The following RBFOX1 variants were observed in gnomAD, a reference collection of about 807,000 sequenced individuals.
RBFOX1 encodes the protein RNA binding protein fox-1 homolog 1.
In RBFOX1, 8 loss-of-function variants were observed where a neutral mutation model predicts 57.7. That is an observed-to-expected ratio of 0.14 (90% CI 0.08 to 0.25). RBFOX1 has a LOEUF of 0.25. RBFOX1 is among the 10% of genes least tolerant of loss of function. The pLI, the probability that RBFOX1 is intolerant of heterozygous loss-of-function variation, is 1.00. For synonymous variants in RBFOX1, 326 were observed against 222.4 expected, an observed-to-expected ratio of 1.47 and a Z score of -4.15; for missense variants, 611 against 548.5, an observed-to-expected ratio of 1.11 and a Z score of -1.14.
At chr16:6,009,458 C>T (rs534094688) in intron 4 of RBFOX1, among the ~76,000 whole-genome samples, 1 of 152,222 alleles carries the variant, frequency 6.6e-6, no homozygotes, top group Admixed American at 6.5e-5. Flanking sequence ...GTTTCTTAGT[C>T]CTAGTTATGG....
intron 3 of RBFOX1, among the ~76,000 whole-genome samples, chr16:5,861,587 A>G (rs1156386073): frequency 6.6e-5 from 10 of 152,166 alleles, no homozygotes; most frequent in Admixed American, 2.0e-4. Flanking sequence ...ATTTGGTTCT[A>G]TTTGCAACTG....
chr16:6,481,708 A>T (rs2153097615), intron 2 of RBFOX1, among the ~76,000 whole-genome samples: 1 of 152,324 alleles, frequency 6.6e-6, no homozygotes, highest in South Asian at 2.1e-4. Context: ...TTAGAAGTTA[A>T]CTTTAAAAAT....
intron 3 of RBFOX1, among the ~76,000 whole-genome samples, chr16:5,764,068 A>G (rs1297658497): frequency 1.3e-5 from 2 of 152,182 alleles, no homozygotes; most frequent in Non-Finnish European, 2.9e-5. Flanking sequence ...GTAGGTGTCT[A>G]ATAAATACTT....
At chr16:6,391,525 G>GA (rs78469307) in intron 2 of RBFOX1, among the ~76,000 whole-genome samples, 2 of 145,460 alleles carry the variant, frequency 1.4e-5, no homozygotes, top group East Asian at 2.0e-4. Context: ...AAAAAAAAAA[G>GA]AAAAAAAAGT....
At chr16:6,519,828 T>G (rs192179993) in intron 2 of RBFOX1, among the ~76,000 whole-genome samples, 1 of 152,326 alleles carries the variant, frequency 6.6e-6, no homozygotes, top group East Asian at 1.9e-4. Flanking sequence ...ATTATCTCCA[T>G]TTCATAGGAC....
At chr16:7,194,165 C>G (rs1269938761) in intron 4 of RBFOX1, among the ~76,000 whole-genome samples, 1 of 152,176 alleles carries the variant, frequency 6.6e-6, no homozygotes, top group Non-Finnish European at 1.5e-5. Context: ...TCTTAAACAT[C>G]TCTCTAATAC....
chr16:5,606,725 C>G (rs2047594336), intron 3 of RBFOX1, among the ~76,000 whole-genome samples: 1 of 152,036 alleles, frequency 6.6e-6, no homozygotes, highest in African/African-American at 2.4e-5. Context: ...GTAGTGCAAA[C>G]AGGTAGGGAA....
chr16:6,545,605 C>A (rs1189145207), intron 2 of RBFOX1, among the ~76,000 whole-genome samples: 1 of 152,182 alleles, frequency 6.6e-6, no homozygotes, highest in East Asian at 1.9e-4. Flanking sequence ...TACTCTCCAC[C>A]CCAAAGATCT....
At chr16:5,930,118 A>T (rs2059018439) in intron 4 of RBFOX1, among the ~76,000 whole-genome samples, 1 of 151,294 alleles carries the variant, frequency 6.6e-6, no homozygotes, top group Non-Finnish European at 1.5e-5. Context: ...AGGATGGGAG[A>T]CAGGGTGCCT....
At chr16:6,042,809 G>C (rs1453932655) in intron 1 of RBFOX1, among the ~76,000 whole-genome samples, 1 of 152,166 alleles carries the variant, frequency 6.6e-6, no homozygotes, top group African/African-American at 2.4e-5. Flanking sequence ...AGGACATCTT[G>C]AAATGGGGGT....
intron 4 of RBFOX1, among the ~76,000 whole-genome samples, chr16:7,372,695 A>G (rs2097590716): frequency 6.6e-6 from 1 of 152,042 alleles, no homozygotes; most frequent in South Asian, 2.1e-4. Flanking sequence ...AATTAGGATT[A>G]TTATTATGGT....
intron 3 of RBFOX1, among the ~76,000 whole-genome samples, chr16:6,887,996 G>C (rs1370943815): frequency 6.6e-6 from 1 of 151,950 alleles, no homozygotes; most frequent in Non-Finnish European, 1.5e-5. Context: ...ATCTTATTCT[G>C]TTTGGGGTTT....
chr16:6,895,598 G>A (rs1455648922), intron 3 of RBFOX1, among the ~76,000 whole-genome samples: 2 of 151,130 alleles, frequency 1.3e-5, no homozygotes, highest in Non-Finnish European at 2.9e-5. Flanking sequence ...TTTTAAAGGA[G>A]GAAGTGGAGG....
intron 3 of RBFOX1, among the ~76,000 whole-genome samples, chr16:6,762,160 A>G (rs1368269199): frequency 6.6e-6 from 1 of 152,112 alleles, no homozygotes; most frequent in Non-Finnish European, 1.5e-5. Context: ...TGTAAAATGT[A>G]GTAACAGTAA....
At chr16:7,569,237 T>TTAG (rs2092501079) in intron 5 of RBFOX1, among the ~76,000 whole-genome samples, 1 of 152,138 alleles carries the variant, frequency 6.6e-6, no homozygotes, top group South Asian at 2.1e-4. Context: ...CACAAGTATA[T>TTAG]TAGGTTACAG....
At chr16:7,276,103 A>G (rs1567996867) in intron 4 of RBFOX1, among the ~76,000 whole-genome samples, 1 of 152,266 alleles carries the variant, frequency 6.6e-6, no homozygotes, top group Non-Finnish European at 1.5e-5. Context: ...AATGGAAACC[A>G]GACAAATCAG....
intron 2 of RBFOX1, among the ~76,000 whole-genome samples, chr16:6,612,402 T>C (rs568656016): frequency 1.8e-4 from 27 of 152,338 alleles, no homozygotes; most frequent in African/African-American, 5.8e-4. Flanking sequence ...ACACATATCA[T>C]GTATGCATAT....
chr16:6,872,396 C>T (rs77141215), intron 3 of RBFOX1, among the ~76,000 whole-genome samples: 5,209 of 152,148 alleles, frequency 0.034, 257 homozygotes, highest in East Asian at 0.21. Context: ...ATGACCATAG[C>T]TCTTTTTTTA....
chr16:7,711,681 C>G lies in RBFOX1; in HGVS notation c.*936C>G, dbSNP rs982510546. ...TAAAAAAAATGTATAAAATTTACAT[C>G]TGTGCAGTGGAGTTGTTAAGTTCTA... On this transcript the variant is annotated 3_prime_UTR_variant, in exon 16 of 16. Coordinates refer to ENST00000550418, the MANE Select transcript of RBFOX1 (RefSeq NM_018723.4). The G allele has an allele frequency of 6.6e-6, 1 of 152,416 alleles. No individual in the cohort carries two copies. The highest frequency in any genetic ancestry group is 1.5e-5 in the Non-Finnish European group (1 of 68,006). 9.4% of individuals were successfully genotyped at this position (152,416 alleles called of 1,614,324 possible).
Sources: gnomAD v4.1 joint callset for allele counts (sites outside exome capture counted in the v4.1 genomes callset) on GRCh38, gnomAD v4.1.1 for gene constraint, MANE v1.5 for transcripts, NCBI Gene and HGNC (gene_info 2026-07-23, HGNC 2026-07-21) for gene names.